The following MLLT1 variants were observed in gnomAD, a reference collection of about 807,000 sequenced individuals.
MLLT1 encodes the protein MLLT1 super elongation complex subunit.
In MLLT1, 11 loss-of-function variants were observed where a neutral mutation model predicts 55.1. The ratio of observed to expected loss-of-function variants is 0.20; its 90% CI spans 0.13 to 0.33. MLLT1 has a LOEUF of 0.33. Ranked by LOEUF, MLLT1 falls within the 10% of genes least tolerant of loss-of-function variation. The probability of loss-of-function intolerance (pLI) is 1.00; values close to 1 mark genes in which losing one functional copy is unlikely to be tolerated. For synonymous variants in MLLT1, 323 were observed against 320.1 expected (o/e 1.01, Z -0.10); for missense variants, 536 against 760.6 (o/e 0.70, Z 3.47).
intron 1 of MLLT1, among the ~76,000 whole-genome samples, chr19:6,276,492 A>C (rs2091428931): frequency 6.6e-6 from 1 of 152,148 alleles, no homozygotes; most frequent in African/African-American, 2.4e-5. Flanking sequence ...GCAAGCAGCA[A>C]TTCGAGCGTG....
chr19:6,244,988 G>T (rs967647850), intron 3 of MLLT1, among the ~76,000 whole-genome samples: 1 of 152,110 alleles, frequency 6.6e-6, no homozygotes, highest in South Asian at 2.1e-4. Context: ...ACCCGGCTGG[G>T]GGGGAATGTA....
chr19:6,211,469 G>T lies in MLLT1; in HGVS notation c.*1573C>A. Reference sequence around the variant, plus strand: ...CCCCACCAAGGAGTGTTCAGGATCTGCTGACAGAATCAGAGCAGGGACAAG... The same window carrying T: ...CCCCACCAAGGAGTGTTCAGGATCTTCTGACAGAATCAGAGCAGGGACAAG... On this transcript the variant is annotated 3_prime_UTR_variant, in exon 12 of 12. Coordinates refer to ENST00000252674, the MANE Select transcript of MLLT1 (RefSeq NM_005934.4). The surrounding 1 kb of genome is among the most constrained non-coding windows in gnomAD (Gnocchi z 4.6). 2.5e-6 allele frequency: 1 copy of T among 407,794 alleles called. No homozygotes were observed. Among genetic ancestry groups the T allele is most frequent in the Non-Finnish European group, 3.6e-6 (1 of 278,062 alleles). 25.3% of individuals were successfully genotyped at this position (407,794 alleles called of 1,614,324 possible). A position where few individuals can be genotyped will look rare whatever the true frequency, so the allele number is the denominator to read the frequency against.
rs2090964103 is a variant in MLLT1 at position 6,227,173 on chromosome 19, G to A, written c.421-71C>T. ...GGGGCCCACACGGGCCGGGCTGAAGGTGGTGGGGCTTCCCTCTGCAGGAGG... is the reference window on the plus strand; with the variant it reads ...GGGGCCCACACGGGCCGGGCTGAAGATGGTGGGGCTTCCCTCTGCAGGAGG... On this transcript the variant is annotated intron_variant, in intron 4 of 11. Coordinates refer to ENST00000252674, the MANE Select transcript of MLLT1 (RefSeq NM_005934.4). This position sits in a 1 kb window ranked among gnomAD's most constrained non-coding sequence, Gnocchi z 5.1. 3.3e-6 allele frequency: 5 copies of A among 1,494,178 alleles called. No individual in the cohort carries two copies. The highest frequency in any genetic ancestry group is 4.7e-5 in the Admixed American group (2 of 42,234). 92.6% of individuals were successfully genotyped at this position (1,494,178 alleles called of 1,614,324 possible).
At chr19:6,268,610 C>T (rs1324667237) in intron 2 of MLLT1, among the ~76,000 whole-genome samples, 1 of 152,190 alleles carries the variant, frequency 6.6e-6, no homozygotes, top group Non-Finnish European at 1.5e-5. Context: ...AAGAGGTTCA[C>T]TCCCTCTCTA....
intron 1 of MLLT1, among the ~76,000 whole-genome samples, chr19:6,271,178 A>G (rs958235414): frequency 6.6e-6 from 1 of 152,038 alleles, no homozygotes; most frequent in Non-Finnish European, 1.5e-5. Flanking sequence ...CCACCGATCC[A>G]AAAGCATCCA....
At chr19:6,253,230 A>G (rs1397336342) in intron 3 of MLLT1, among the ~76,000 whole-genome samples, 1 of 131,630 alleles carries the variant, frequency 7.6e-6, no homozygotes, top group Non-Finnish European at 1.5e-5. Context: ...GCGCCACTGC[A>G]CTCCAGCCTG....
intron 1 of MLLT1, among the ~76,000 whole-genome samples, chr19:6,271,515 T>C (rs992965422): frequency 1.3e-5 from 2 of 152,228 alleles, no homozygotes; most frequent in Non-Finnish European, 2.9e-5. Context: ...ATGTCGTGTC[T>C]GACACTTTGC....
chr19:6,230,254 A>G lies in MLLT1; in HGVS notation c.420+316T>C, dbSNP rs115982373. 7.9e-3 allele frequency among the ~76,000 whole-genome samples: 1,205 copies of G among 152,294 alleles called. 19 individuals carry two copies. Among genetic ancestry groups the G allele is most frequent in the African/African-American group, 0.027 (1,129 of 41,570 alleles). On this transcript the variant is annotated intron_variant, in intron 4 of 11. Coordinates refer to ENST00000252674, the MANE Select transcript of MLLT1 (RefSeq NM_005934.4). The surrounding 1 kb of genome is among the most constrained non-coding windows in gnomAD (Gnocchi z 9.0). Reference sequence around the variant, plus strand: ...CGGAGGCCCTGCCCAGCTAGTTACAAGCCAGCTCCAGGCCCAGCCACGCGG... The same window carrying G: ...CGGAGGCCCTGCCCAGCTAGTTACAGGCCAGCTCCAGGCCCAGCCACGCGG...
At chr19:6,261,172 G>C (rs1243562167) in intron 3 of MLLT1, among the ~76,000 whole-genome samples, 2 of 152,218 alleles carry the variant, frequency 1.3e-5, no homozygotes, top group Non-Finnish European at 2.9e-5. Flanking sequence ...CACCCCTCAG[G>C]AGGCCCACTT....
rs900279152 is a variant in MLLT1, at chr19:6,222,862, C to T, written c.547-178G>A. Reference sequence around the variant, plus strand: ...CAGTAGGTGAGAGTTTTACATGGAGCTGTCCCTTTAAACTACTAGGAAGTG... The same window carrying T: ...CAGTAGGTGAGAGTTTTACATGGAGTTGTCCCTTTAAACTACTAGGAAGTG... On this transcript the variant is annotated intron_variant, in intron 5 of 11. Coordinates refer to ENST00000252674, the MANE Select transcript of MLLT1 (RefSeq NM_005934.4). This position sits in a 1 kb window ranked among gnomAD's most constrained non-coding sequence, Gnocchi z 4.1. Among the ~76,000 whole-genome samples, 6 of 152,238 alleles carry T rather than the reference C, an allele frequency of 3.9e-5. No individual in the cohort carries two copies. The South Asian group carries it at 6.2e-4, about 16-fold the overall frequency.
intron 3 of MLLT1, among the ~76,000 whole-genome samples, chr19:6,260,954 G>T (rs2091299762): frequency 6.6e-6 from 1 of 152,216 alleles, no homozygotes; most frequent in African/African-American, 2.4e-5. Flanking sequence ...ACAGATGGTG[G>T]TCCCACAGCC....
intron 3 of MLLT1, among the ~76,000 whole-genome samples, chr19:6,237,039 GC>G (rs2091069066): frequency 6.6e-6 from 1 of 152,274 alleles, no homozygotes; most frequent in African/African-American, 2.4e-5. Flanking sequence ...CCAAACAGGT[GC>G]CTGTGCCAAA....
intron 1 of MLLT1, among the ~76,000 whole-genome samples, chr19:6,271,845 C>A (rs2091397397): frequency 6.6e-6 from 1 of 152,272 alleles, no homozygotes; most frequent in Admixed American, 6.5e-5. Flanking sequence ...GGGCCCCAGA[C>A]CAGACAGCTC....
intron 2 of MLLT1, among the ~76,000 whole-genome samples, chr19:6,264,802 C>T (rs570225199): frequency 4.8e-5 from 7 of 146,742 alleles, no homozygotes; most frequent in African/African-American, 1.5e-4. Flanking sequence ...GGCTGAGGCA[C>T]GAGAATCACT....
rs887168342 is a variant in MLLT1, at chr19:6,210,406, C to CT, written c.*2635dup. The CT allele has an allele frequency of 4.0e-4, 72 of 182,200 alleles. No individual in the cohort carries two copies. Among genetic ancestry groups the CT allele is most frequent in the East Asian group, 7.2e-4 (8 of 11,036 alleles). 11.3% of individuals were successfully genotyped at this position (182,200 alleles called of 1,614,324 possible). The stretch of plus-strand genomic sequence containing the variant: ...TGCTTTCCCATCTGACTTTATTTCA[C>CT]TTTTTTTTTCTATAAAACTCCTCCA... On this transcript the variant is annotated 3_prime_UTR_variant, in exon 12 of 12. Transcript: ENST00000252674. This position sits in a 1 kb window ranked among gnomAD's most constrained non-coding sequence, Gnocchi z 4.6.
chr19:6,236,883 T>C (rs1212780609), intron 3 of MLLT1, among the ~76,000 whole-genome samples: 1 of 152,230 alleles, frequency 6.6e-6, no homozygotes, highest in Non-Finnish European at 1.5e-5. Flanking sequence ...CCAGCCGGAC[T>C]GTGCTGTGAC....
rs185224758 is a variant in MLLT1, at chr19:6,274,991, G to A, written c.13-4232C>T. 3.3e-5 allele frequency among the ~76,000 whole-genome samples: 5 copies of A among 152,380 alleles called. No homozygotes were observed. In the East Asian group the frequency reaches 5.8e-4, roughly 18 times the overall value. ...GCAGCTTCCCCGGGGCTTTCTCAAC[G>A]CAGCGTGCGGTTCTCCCCAGGTGTG... is the stretch of plus-strand genomic sequence containing the variant. On this transcript the variant is annotated intron_variant, in intron 1 of 11. Coordinates refer to ENST00000252674, the MANE Select transcript of MLLT1 (RefSeq NM_005934.4).
At chr19:6,242,163 G>A (rs961604663) in intron 3 of MLLT1, among the ~76,000 whole-genome samples, 4 of 152,192 alleles carry the variant, frequency 2.6e-5, no homozygotes, top group African/African-American at 9.7e-5. Flanking sequence ...CTGAGCGCAC[G>A]CAGGGGCAGC....
Position 6,256,254 on chromosome 19 carries a change from T to TAAATAAATAAATAAATA in MLLT1, c.276+5973_276+5974insTATTTATTTATTTATTT, listed in dbSNP as rs776012193. Among the ~76,000 whole-genome samples the TAAATAAATAAATAAATA allele has an allele frequency of 3.4e-5, 5 of 148,414 alleles. No homozygotes were observed. In the East Asian group the frequency reaches 6.0e-4, roughly 18 times the overall value. Reference sequence around the variant, plus strand: ...ATAAATAAATAAATAAATAAATAAATAAAAAGACCAGCCTGGGCAACACAA... The same window carrying TAAATAAATAAATAAATA: ...ATAAATAAATAAATAAATAAATAAATAAATAAATAAATAAATAAAAAAGACCAGCCTGGGCAACACAA... On this transcript the variant is annotated intron_variant, in intron 3 of 11. Coordinates refer to ENST00000252674, the MANE Select transcript of MLLT1 (RefSeq NM_005934.4). This position sits in a 1 kb window ranked among gnomAD's most constrained non-coding sequence, Gnocchi z 4.1.
Sources: allele counts gnomAD v4.1 joint callset (sites outside exome capture counted in the v4.1 genomes callset), GRCh38; gene constraint gnomAD v4.1.1; non-coding constraint Gnocchi (gnomAD v3.1); transcripts MANE v1.5; gene names NCBI Gene and HGNC (gene_info 2026-07-23, HGNC 2026-07-21).